SUPT3H: variants seen among roughly 807,000 people sequenced by gnomAD.
SUPT3H encodes the protein transcription initiation protein SPT3 homolog.
SUPT3H carries 44 observed loss-of-function variants against 44.3 expected under a neutral mutation model. That is an observed-to-expected ratio of 0.99 (90% CI 0.78 to 1.28). SUPT3H has a LOEUF of 1.28. Among genes scored for constraint, SUPT3H ranks in the 50% most tolerant of loss-of-function variants. The probability of loss-of-function intolerance (pLI) is 0.00; values close to 1 mark genes in which losing one functional copy is unlikely to be tolerated. For synonymous variants in SUPT3H, 124 were observed against 125.6 expected (o/e 0.99, Z 0.09); for missense variants, 380 against 387.1 (o/e 0.98, Z 0.15).
chr6:45,356,920 C>T (rs953799202), intron 2 of SUPT3H, among the ~76,000 whole-genome samples: 1 of 152,146 alleles, frequency 6.6e-6, no homozygotes, highest in Non-Finnish European at 1.5e-5. Context: ...TGTAACGAGG[C>T]AAATCAATAT....
At position 44,841,559 on chromosome 6, in the gene SUPT3H, A is replaced by C. The variant is rs139292671; in HGVS notation, c.913-11702T>G. The stretch of plus-strand genomic sequence containing the variant: ...AAGCCTTCAATAATGTGTTTAAATA[A>C]ATTTTATTAATCACAATGGTATCTA... On this transcript the variant is annotated intron_variant, in intron 10 of 10. Transcript: ENST00000371459. 3.6e-3 allele frequency among the ~76,000 whole-genome samples: 544 copies of C among 152,308 alleles called. 8 individuals carry two copies. The highest frequency in any genetic ancestry group is 0.012 in the African/African-American group (508 of 41,562).
In SUPT3H at chr6:44,897,794, G is replaced by A. The variant is rs545581990; in HGVS notation, c.912+34859C>T. 2.0e-5 allele frequency among the ~76,000 whole-genome samples: 3 copies of A among 152,234 alleles called. No homozygotes were observed. In the East Asian group the frequency reaches 5.8e-4, roughly 29 times the overall value. On this transcript the variant is annotated intron_variant, in intron 10 of 10. Transcript: ENST00000371459. ...TTTATTTCTCATATCCCCCAGTTAA[G>A]GGTATCTTTGCTATGCTCTTCTTTC...
chr6:45,001,635 A>C (rs1782021215), intron 6 of SUPT3H, among the ~76,000 whole-genome samples: 1 of 152,102 alleles, frequency 6.6e-6, no homozygotes, highest in Non-Finnish European at 1.5e-5. Context: ...TATAAAGAAG[A>C]AAGAAAACTA....
In SUPT3H at chr6:45,119,875, A is replaced by G. The variant is rs548586866; in HGVS notation, c.102-13869T>C. 5.3e-5 allele frequency among the ~76,000 whole-genome samples: 8 copies of G among 151,308 alleles called. No homozygotes were observed. In the East Asian group the frequency reaches 1.3e-3, roughly 26 times the overall value. On this transcript the variant is annotated intron_variant, in intron 2 of 10. Coordinates refer to ENST00000371459, the MANE Select transcript of SUPT3H (RefSeq NM_003599.4). ...TTAAAGGCAGCAAATACTTTTAAAA[A>G]AGAAAAGGAAAAAAATGAGTCTGAA...
At position 44,830,432 on chromosome 6, in the gene SUPT3H, C is replaced by T. The variant is rs567470645; in HGVS notation, c.913-575G>A. On this transcript the variant is annotated intron_variant, in intron 10 of 10. Transcript: ENST00000371459. ...ATATAATTTTATATACATACCTGTA[C>T]GTACAGATGTACACATGGATATGCA... 5.3e-5 allele frequency among the ~76,000 whole-genome samples: 8 copies of T among 152,198 alleles called. No individual in the cohort carries two copies. In the South Asian group the frequency reaches 6.2e-4, roughly 12 times the overall value.
chr6:44,830,756 A>AATCT (rs548426996), intron 10 of SUPT3H, among the ~76,000 whole-genome samples: 74 of 152,194 alleles, frequency 4.9e-4, no homozygotes, highest in African/African-American at 1.7e-3. Context: ...CATAACCGTC[A>AATCT]ATCTTTTCAG....
chr6:45,159,497 G>A (rs1808586569), intron 2 of SUPT3H: 1 of 152,098 alleles, frequency 6.6e-6, no homozygotes, highest in African/African-American at 2.4e-5. Context: ...GCCATCAATA[G>A]CCTCACCCAA....
intron 11 of SUPT3H, among the ~76,000 whole-genome samples, chr6:44,811,116 C>T (rs942264641): frequency 1.3e-5 from 2 of 152,170 alleles, no homozygotes; most frequent in Non-Finnish European, 2.9e-5. Context: ...TCCATTGTCC[C>T]GTTTCTGCTC....
At chr6:45,140,652 A>G (rs916266815) in intron 2 of SUPT3H, among the ~76,000 whole-genome samples, 1 of 151,726 alleles carries the variant, frequency 6.6e-6, no homozygotes, top group Non-Finnish European at 1.5e-5. Context: ...AGTGTAAATC[A>G]CTCCCCTGCC....
chr6:44,916,624 A>G (rs1415070307), intron 10 of SUPT3H, among the ~76,000 whole-genome samples: 1 of 152,234 alleles, frequency 6.6e-6, no homozygotes, highest in African/African-American at 2.4e-5. Context: ...AAGAAAGCCA[A>G]TTATGGCTCT....
chr6:45,199,976 T>C (rs1307283523), intron 2 of SUPT3H, among the ~76,000 whole-genome samples: 1 of 151,356 alleles, frequency 6.6e-6, no homozygotes, highest in Admixed American at 6.6e-5. Flanking sequence ...TACTATAATC[T>C]AGCTTCCGTC....
intron 2 of SUPT3H, among the ~76,000 whole-genome samples, chr6:45,229,466 TAAC>T (rs1767557440): frequency 6.6e-6 from 1 of 152,122 alleles, no homozygotes; most frequent in African/African-American, 2.4e-5. Context: ...AAAATAAAAA[TAAC>T]AATATCTGGC....
chr6:45,146,169 T>G lies in SUPT3H; in HGVS notation c.102-40163A>C, dbSNP rs546368622. Among the ~76,000 whole-genome samples the G allele has an allele frequency of 2.6e-5, 4 of 152,178 alleles. No individual in the cohort carries two copies. In the South Asian group the frequency reaches 8.3e-4, roughly 32 times the overall value. ...TGATCCAGCATCCCACTCCTGGGTA[T>G]CTACCCAGAGGAAAATAAGTAATTA... is the stretch of plus-strand genomic sequence containing the variant. On this transcript the variant is annotated intron_variant, in intron 2 of 10. Transcript: ENST00000371459.
intron 5 of SUPT3H, among the ~76,000 whole-genome samples, chr6:45,013,190 G>T (rs1340467013): frequency 1.3e-5 from 2 of 152,010 alleles, no homozygotes; most frequent in Non-Finnish European, 2.9e-5. Flanking sequence ...TCTGACTGCA[G>T]GAGGGCTCTT....
chr6:44,831,367 C>CCAA (rs1420816538), intron 10 of SUPT3H, among the ~76,000 whole-genome samples: 7 of 152,106 alleles, frequency 4.6e-5, no homozygotes, highest in Admixed American at 3.3e-4. Context: ...CTAGAAAATT[C>CCAA]CAACTCTACT....
At chr6:44,875,400 GA>G (rs1777116226) in intron 10 of SUPT3H, among the ~76,000 whole-genome samples, 1 of 26,708 alleles carries the variant, frequency 3.7e-5, no homozygotes, top group African/African-American at 1.1e-4. Context: ...AAGCAATGGG[GA>G]AAGGATTCCC....
chr6:45,307,031 T>C (rs199572775), intron 2 of SUPT3H, among the ~76,000 whole-genome samples: 1 of 152,204 alleles, frequency 6.6e-6, no homozygotes, highest in Non-Finnish European at 1.5e-5. Flanking sequence ...CTAGCACAGC[T>C]GTCTGAGATC....
intron 6 of SUPT3H, among the ~76,000 whole-genome samples, chr6:44,980,955 T>C (rs1184769051): frequency 1.3e-5 from 2 of 152,214 alleles, no homozygotes; most frequent in African/African-American, 2.4e-5. Flanking sequence ...AATCTATTCA[T>C]ACCTTAGAGT....
At position 44,953,430 on chromosome 6, in the gene SUPT3H, A is replaced by G; in HGVS notation, c.694-13T>C. On this transcript the variant is annotated splice_polypyrimidine_tract_variant and intron_variant, in intron 8 of 10. Transcript: ENST00000371459. ...CCAGATCCACTAACTAGAAGACCAGAAGAATGAAAGTCACATAGCTAGAAA... is the reference window on the plus strand; with the variant it reads ...CCAGATCCACTAACTAGAAGACCAGGAGAATGAAAGTCACATAGCTAGAAA... 6.2e-7 allele frequency: 1 copy of G among 1,602,516 alleles called. No individual in the cohort carries two copies. The highest frequency in any genetic ancestry group is 2.2e-5 in the East Asian group (1 of 44,802).
Sources: allele counts gnomAD v4.1 joint callset (sites outside exome capture counted in the v4.1 genomes callset), GRCh38; gene constraint gnomAD v4.1.1; transcripts MANE v1.5; gene names NCBI Gene and HGNC (gene_info 2026-07-23, HGNC 2026-07-21).